Variants in GALNT13 observed in about 807,000 individuals in gnomAD.
The protein encoded by GALNT13 is UDP-GalNAc:polypeptide N-acetylgalactosaminyltransferase 13.
In GALNT13, 28 loss-of-function variants were observed where a neutral mutation model predicts 64.2. That is an observed-to-expected ratio of 0.44 (90% CI 0.32 to 0.60). GALNT13 has a LOEUF of 0.60. GALNT13 is among the 20% of genes least tolerant of loss of function. GALNT13 has a pLI of 0.05. For missense variants in GALNT13, 577 were observed against 669.8 expected (o/e 0.86, Z 1.53); for synonymous variants, 214 against 224.6 (o/e 0.95, Z 0.42).
the GALNT13 span, among the ~76,000 whole-genome samples, chr2:153,374,098 C>T: frequency 6.6e-6 from 1 of 152,184 alleles, no homozygotes; most frequent in Non-Finnish European, 1.5e-5. Flanking sequence ...TTGTTCAAGA[C>T]TGTGCTGTCA....
At chr2:154,382,834 T>C (rs1054314418) in intron 9 of GALNT13, among the ~76,000 whole-genome samples, 1 of 151,964 alleles carries the variant, frequency 6.6e-6, no homozygotes. Flanking sequence ...GTAGTGTGTC[T>C]TAACTGAGAG....
the GALNT13 span, among the ~76,000 whole-genome samples, chr2:153,141,265 G>A: frequency 1.3e-5 from 2 of 151,986 alleles, no homozygotes; most frequent in Non-Finnish European, 2.9e-5. Context: ...ACTTGTGTTG[G>A]AGTGACATCT....
the GALNT13 span, among the ~76,000 whole-genome samples, chr2:153,533,723 CTT>C: frequency 2.5e-3 from 123 of 48,710 alleles, no homozygotes; most frequent in African/African-American, 9.4e-3. Context: ...TGAGGTTTTT[CTT>C]TTTTTTTTTT....
the GALNT13 span, among the ~76,000 whole-genome samples, chr2:153,266,963 G>A: frequency 6.6e-6 from 1 of 152,206 alleles, no homozygotes; most frequent in Non-Finnish European, 1.5e-5. Flanking sequence ...TCACATGCAA[G>A]TCAGTTACTT....
chr2:153,743,813 C>T, the GALNT13 span, among the ~76,000 whole-genome samples: 2 of 152,108 alleles, frequency 1.3e-5, no homozygotes, highest in African/African-American at 4.8e-5. Context: ...CCCCACTTCC[C>T]ACCTCTACAA....
intron 9 of GALNT13, among the ~76,000 whole-genome samples, chr2:154,323,448 C>G (rs1474285618): frequency 1.3e-5 from 2 of 151,880 alleles, no homozygotes; most frequent in East Asian, 1.9e-4. Flanking sequence ...TTGCTTTATC[C>G]CCCATTATAG....
intron 11 of GALNT13, chr2:154,436,523 C>T (rs559436786): frequency 2.0e-5 from 3 of 152,218 alleles, no homozygotes; most frequent in East Asian, 1.9e-4. Flanking sequence ...ATTCTAATGT[C>T]GAAGACTATC....
intron 2 of GALNT13, among the ~76,000 whole-genome samples, chr2:153,935,026 A>T (rs1276609001): frequency 6.6e-6 from 1 of 152,148 alleles, no homozygotes; most frequent in East Asian, 1.9e-4. Flanking sequence ...GGTCAGATGT[A>T]TTTAGTTTTT....
At chr2:153,360,761 C>T in the GALNT13 span, among the ~76,000 whole-genome samples, 23 of 152,278 alleles carry the variant, frequency 1.5e-4, no homozygotes, top group Non-Finnish European at 2.9e-4. Context: ...CCATAAGCTC[C>T]GTGGACCAGC....
chr2:154,100,281 C>G, intron 3 of GALNT13, among the ~76,000 whole-genome samples: 1 of 152,008 alleles, frequency 6.6e-6, no homozygotes, highest in Non-Finnish European at 1.5e-5. Flanking sequence ...TTAATTGAAT[C>G]TGTAGATTTC....
chr2:154,068,335 C>G (rs1700571444), intron 3 of GALNT13, among the ~76,000 whole-genome samples: 2 of 151,760 alleles, frequency 1.3e-5, no homozygotes, highest in South Asian at 4.1e-4. Context: ...ATGGATCTGC[C>G]ATATGATCCT....
chr2:153,293,996 G>GT, the GALNT13 span, among the ~76,000 whole-genome samples: 1 of 151,634 alleles, frequency 6.6e-6, no homozygotes, highest in Non-Finnish European at 1.5e-5. Context: ...TTTGTGGGTT[G>GT]TTTTTTTTAG....
At chr2:153,907,682 G>A (rs528791335) in intron 2 of GALNT13, among the ~76,000 whole-genome samples, 1 of 152,032 alleles carries the variant, frequency 6.6e-6, no homozygotes, top group East Asian at 1.9e-4. Flanking sequence ...GCCTTGGTTT[G>A]CTAAGGATGA....
the GALNT13 span, among the ~76,000 whole-genome samples, chr2:153,328,131 G>A: frequency 2.6e-5 from 4 of 152,162 alleles, no homozygotes; most frequent in Non-Finnish European, 5.9e-5. Flanking sequence ...CACCAGCAGA[G>A]GCTGCAGAAC....
chr2:154,351,950 A>G (rs1311412161), intron 9 of GALNT13, among the ~76,000 whole-genome samples: 1 of 152,158 alleles, frequency 6.6e-6, no homozygotes, highest in Non-Finnish European at 1.5e-5. Context: ...GAAACAAACT[A>G]CTAGATGTTT....
the GALNT13 span, among the ~76,000 whole-genome samples, chr2:153,128,698 C>T: frequency 2.0e-5 from 3 of 152,140 alleles, no homozygotes; most frequent in Non-Finnish European, 4.4e-5. Flanking sequence ...TGTTTTCATG[C>T]TGCTGATAAA....
chr2:153,957,000 A>G (rs2105417430), intron 3 of GALNT13, among the ~76,000 whole-genome samples: 1 of 152,284 alleles, frequency 6.6e-6, no homozygotes, highest in African/African-American at 2.4e-5. Flanking sequence ...TGATTTACCA[A>G]AGTAAAAATC....
At chr2:153,538,258 C>T in the GALNT13 span, among the ~76,000 whole-genome samples, 3 of 145,836 alleles carry the variant, frequency 2.1e-5, no homozygotes, top group Non-Finnish European at 1.5e-5. Flanking sequence ...ATCTGTGGAA[C>T]TTTGAACTTG....
intron 3 of GALNT13, among the ~76,000 whole-genome samples, chr2:153,983,732 T>C (rs1427875088): frequency 6.6e-6 from 1 of 152,012 alleles, no homozygotes; most frequent in Non-Finnish European, 1.5e-5. Flanking sequence ...TGGCATTCTA[T>C]CTCATTACAT....
Sources: gnomAD v4.1 joint callset for allele counts (sites outside exome capture counted in the v4.1 genomes callset) on GRCh38, gnomAD v4.1.1 for gene constraint, MANE v1.5 for transcripts, NCBI Gene and HGNC (gene_info 2026-07-23, HGNC 2026-07-21) for gene names.